RASAL2: variants seen among roughly 807,000 people sequenced by gnomAD.
The protein encoded by RASAL2 is ras GTPase-activating protein nGAP.
RASAL2 carries 58 observed loss-of-function variants against 128.9 expected under a neutral mutation model. The observed-to-expected ratio is 0.45, with a 90% CI of 0.36 to 0.56. The LOEUF (loss-of-function observed/expected upper bound fraction) is 0.56. Ranked by LOEUF, RASAL2 falls within the 20% of genes least tolerant of loss-of-function variation. RASAL2 has a pLI of 0.00. For missense variants in RASAL2, 1,360 were observed against 1,601.6 expected (o/e 0.85, Z 2.57); for synonymous variants, 561 against 580.8 (o/e 0.97, Z 0.49).
chr1:178,125,396 G>C (rs979945402), intron 1 of RASAL2: 6 of 152,030 alleles, frequency 3.9e-5, no homozygotes, highest in African/African-American at 1.5e-4. Context: ...ACTTTGTGTT[G>C]CTGTGAAGGA....
intron 1 of RASAL2, among the ~76,000 whole-genome samples, chr1:178,124,404 C>T (rs990639614): frequency 1.3e-5 from 2 of 152,044 alleles, no homozygotes; most frequent in African/African-American, 4.8e-5. Flanking sequence ...GCATGGTGCC[C>T]CTCATACCAA....
chr1:178,363,218 G>C (rs778782889), intron 3 of RASAL2, among the ~76,000 whole-genome samples: 1 of 152,008 alleles, frequency 6.6e-6, no homozygotes, highest in South Asian at 2.1e-4. Flanking sequence ...AAGGGGTGAG[G>C]TGATATCTTA....
intron 1 of RASAL2, among the ~76,000 whole-genome samples, chr1:178,173,308 A>G (rs1661768911): frequency 6.6e-6 from 1 of 152,112 alleles, no homozygotes; most frequent in Non-Finnish European, 1.5e-5. Context: ...TGTCTCCAGT[A>G]AGGCAGTGTG....
chr1:178,413,107 G>A (rs536174022), intron 4 of RASAL2, among the ~76,000 whole-genome samples: 1 of 152,018 alleles, frequency 6.6e-6, no homozygotes, highest in South Asian at 2.1e-4. Flanking sequence ...CTGGAGGGCA[G>A]TGGCACGATC....
chr1:178,319,888 A>C (rs1391247220), intron 3 of RASAL2, among the ~76,000 whole-genome samples: 1 of 152,072 alleles, frequency 6.6e-6, no homozygotes, highest in East Asian at 1.9e-4. Flanking sequence ...TAGAGTTTCC[A>C]GTTTTTCTGT....
chr1:178,219,390 G>A (rs1663538073), intron 1 of RASAL2, among the ~76,000 whole-genome samples: 1 of 152,100 alleles, frequency 6.6e-6, no homozygotes, highest in Non-Finnish European at 1.5e-5. Flanking sequence ...GCTCACACCT[G>A]TAATCCCAGC....
At chr1:178,254,100 T>C (rs916244792) in intron 1 of RASAL2, among the ~76,000 whole-genome samples, 1 of 152,236 alleles carries the variant, frequency 6.6e-6, no homozygotes, top group African/African-American at 2.4e-5. Flanking sequence ...CTCCAATGAC[T>C]GGCCTACTTT....
In RASAL2 at chr1:178,476,026, T is replaced by TTAA. The variant is rs1344237874; in HGVS notation, c.*2789_*2791dup. 1.3e-5 allele frequency: 2 copies of TTAA among 152,272 alleles called. No homozygotes were observed. Among genetic ancestry groups the TTAA allele is most frequent in the East Asian group, 3.9e-4 (2 of 5,194 alleles). 9.4% of individuals were successfully genotyped at this position (152,272 alleles called of 1,614,324 possible). A position where few individuals can be genotyped will look rare whatever the true frequency, so the allele number is the denominator to read the frequency against. ...GTGATAATTTTTATGGAGATGTTTC[T>TTAA]TAATTGGCTTTCCCTCAGTTCAAGT... On this transcript the variant is annotated 3_prime_UTR_variant, in exon 18 of 18. Transcript: ENST00000367649.
Position 178,478,790 on chromosome 1 carries a change from AC to A in RASAL2, c.*5552del, listed in dbSNP as rs1648851521. 2 of 152,194 alleles carry A rather than the reference AC, an allele frequency of 1.3e-5. No individual in the cohort carries two copies. Among genetic ancestry groups the A allele is most frequent in the South Asian group, 4.1e-4 (2 of 4,834 alleles). The allele number at this position is 152,194 out of a possible 1,614,324, so 9.4% of individuals were successfully genotyped here. A position where few individuals can be genotyped will look rare whatever the true frequency, so the allele number is the denominator to read the frequency against. On this transcript the variant is annotated 3_prime_UTR_variant, in exon 18 of 18. Transcript: ENST00000367649. ...TTCTTGTACATGTACAGATATAGAT[AC>A]GTTTGAGGTCTTTTATTGATATTCC...
chr1:178,437,694 A>G (rs1036975419), intron 5 of RASAL2, among the ~76,000 whole-genome samples: 27 of 152,084 alleles, frequency 1.8e-4, no homozygotes, highest in Non-Finnish European at 2.9e-4. Flanking sequence ...GAAAGATTAC[A>G]GTGTCCAGTT....
At chr1:178,335,702 C>G (rs751532919) in intron 3 of RASAL2, among the ~76,000 whole-genome samples, 16 of 152,124 alleles carry the variant, frequency 1.1e-4, no homozygotes, top group Non-Finnish European at 2.2e-4. Flanking sequence ...TACAGGCTCT[C>G]CAGTTGCTGA....
chr1:178,346,436 A>G (rs960796997), intron 3 of RASAL2, among the ~76,000 whole-genome samples: 1 of 151,950 alleles, frequency 6.6e-6, no homozygotes, highest in African/African-American at 2.4e-5. Flanking sequence ...AAGAAAAGAA[A>G]AGAAATCGCT....
chr1:178,165,755 A>G (rs1289694762), intron 1 of RASAL2, among the ~76,000 whole-genome samples: 2 of 152,184 alleles, frequency 1.3e-5, no homozygotes, highest in African/African-American at 4.8e-5. Context: ...CAGAACTGAA[A>G]GGAACCTTAC....
At chr1:178,135,645 A>G (rs1052061701) in intron 1 of RASAL2, among the ~76,000 whole-genome samples, 10 of 152,174 alleles carry the variant, frequency 6.6e-5, no homozygotes, top group South Asian at 4.1e-4. Flanking sequence ...TACATATACT[A>G]TTGTATTAGT....
At chr1:178,267,744 T>G (rs543871064) in intron 1 of RASAL2, among the ~76,000 whole-genome samples, 2 of 151,572 alleles carry the variant, frequency 1.3e-5, no homozygotes, top group African/African-American at 4.8e-5. Flanking sequence ...GAGGATGGTC[T>G]CAATCTCCTG....
At chr1:178,251,398 C>G (rs1181929662) in intron 1 of RASAL2, among the ~76,000 whole-genome samples, 1 of 152,204 alleles carries the variant, frequency 6.6e-6, no homozygotes, top group Non-Finnish European at 1.5e-5. Context: ...CGTTAGAACA[C>G]TCCCTTTTGT....
At chr1:178,385,375 T>G (rs1672503908) in intron 3 of RASAL2, among the ~76,000 whole-genome samples, 1 of 152,076 alleles carries the variant, frequency 6.6e-6, no homozygotes, top group Non-Finnish European at 1.5e-5. Flanking sequence ...AGGTGGAGTT[T>G]GTAGTGAGCC....
chr1:178,110,816 G>C (rs1659292663), intron 1 of RASAL2, among the ~76,000 whole-genome samples: 1 of 151,596 alleles, frequency 6.6e-6, no homozygotes, highest in South Asian at 2.1e-4. Context: ...TCGAACTCCT[G>C]AGCTCAGGCA....
At chr1:178,159,025 C>A (rs1398824033) in intron 1 of RASAL2, among the ~76,000 whole-genome samples, 1 of 152,162 alleles carries the variant, frequency 6.6e-6, no homozygotes, top group Admixed American at 6.5e-5. Flanking sequence ...TACAGTCTTA[C>A]AGAGGTTTTG....
Sources: allele counts gnomAD v4.1 joint callset (sites outside exome capture counted in the v4.1 genomes callset), GRCh38; gene constraint gnomAD v4.1.1; transcripts MANE v1.5; gene names NCBI Gene and HGNC (gene_info 2026-07-23, HGNC 2026-07-21).